FAT2: variants seen among roughly 807,000 people sequenced by gnomAD.
The protein encoded by FAT2 is FAT atypical cadherin 2.
Under a neutral mutation model 295.3 loss-of-function variants are expected in FAT2, and 150 were observed. The observed-to-expected ratio is 0.51, with a 90% CI of 0.44 to 0.58. The LOEUF (loss-of-function observed/expected upper bound fraction) is 0.58. FAT2 is among the 20% of genes least tolerant of loss of function. FAT2 has a pLI of 0.00. For synonymous variants in FAT2, 2,026 were observed against 2,150.3 expected, an observed-to-expected ratio of 0.94 and a Z score of 1.60; for missense variants, 4,868 against 5,442.7, an observed-to-expected ratio of 0.89 and a Z score of 3.32.
rs996922642 is a variant in FAT2 at position 151,505,252 on chromosome 5, C to T, written c.*313G>A. 9 of 446,276 alleles carry T rather than the reference C, an allele frequency of 2.0e-5. No individual in the cohort carries two copies. Among genetic ancestry groups the T allele is most frequent in the Admixed American group, 8.3e-5 (2 of 24,034 alleles). The allele number at this position is 446,276 out of a possible 1,614,324, so 27.6% of individuals were successfully genotyped here. ...AGGCTCTGCCCCGGGGACTGAGAGC[C>T]GGCAGATCAGGGAGCCCTCCTGTCT... On this transcript the variant is annotated 3_prime_UTR_variant, in exon 24 of 24. Transcript: ENST00000261800.
intron 6 of FAT2, among the ~76,000 whole-genome samples, chr5:151,552,621 A>G (rs1213258229): frequency 6.6e-6 from 1 of 152,248 alleles, no homozygotes; most frequent in African/African-American, 2.4e-5. Flanking sequence ...AGCGTTCGTC[A>G]GATTCCTGAA....
chr5:151,525,917 G>A lies in FAT2; in HGVS notation c.10357C>T (p.Pro3453Ser), dbSNP rs148136699. Residue 3453 changes from proline (P) to serine (S), a missense_variant, in exon 18 of 24, where the codon CCA (proline) becomes TCA (serine). Coordinates refer to ENST00000261800, the MANE Select transcript of FAT2 (RefSeq NM_001447.3). ...SKVLQLILSDPDSPENGPPYS... is the reference protein window; with the variant it reads ...SKVLQLILSDSDSPENGPPYS... ...GGGGGGCCATTCTCTGGAGAATCTG[G>A]GTCACTCAGGATCAGCTGCAGGACT... The A allele has an allele frequency of 5.0e-6, 8 of 1,614,050 alleles. No individual in the cohort carries two copies. The African/African-American group carries it at 8.0e-5, about 16-fold the overall frequency.
chr5:151,553,938 T>C (rs1237655440), intron 5 of FAT2, among the ~76,000 whole-genome samples: 1 of 152,236 alleles, frequency 6.6e-6, no homozygotes, highest in Non-Finnish European at 1.5e-5. Context: ...TCAGGCTGAC[T>C]GATGTAAGCA....
rs200469726 is a variant in FAT2, at chr5:151,540,624, C to A, written c.8982G>T (p.Ser2994=). The A allele has an allele frequency of 6.2e-7, 1 of 1,614,116 alleles. No individual in the cohort carries two copies. The highest frequency in any genetic ancestry group is 1.7e-4 in the Middle Eastern group (1 of 6,042). Residue 2994 remains serine, a synonymous_variant, in exon 11 of 24, where the codon TCG becomes TCT. Coordinates refer to ENST00000261800, the MANE Select transcript of FAT2 (RefSeq NM_001447.3). ...VTASDGKFQA[S]VTVEIFVLDV... ...CCAGGACAAAGATCTCCACAGTGAC[C>A]GAAGCCTGGAACTTGCCATCAGATG...
intron 14 of FAT2, among the ~76,000 whole-genome samples, 199 bp from the exon 15 acceptor site, chr5:151,529,591 T>A (rs1754373577): frequency 6.6e-6 from 1 of 152,222 alleles, no homozygotes; most frequent in Non-Finnish European, 1.5e-5. Context: ...TTCTTTATTA[T>A]TATTCACAAC....
intron 1 of FAT2, among the ~76,000 whole-genome samples, chr5:151,571,110 A>G (rs1161198092): frequency 6.6e-6 from 1 of 152,096 alleles, no homozygotes; most frequent in Admixed American, 6.5e-5. Flanking sequence ...TTAGTGGCAG[A>G]AAGAGCTGCT....
rs199678721 is a variant in FAT2 at position 151,529,241 on chromosome 5, G to A, written c.9963C>T (p.Phe3321=). ...ITDVNEHRPQ[F]PQDPYSTRVL... ...CCCTTGTGCTATATGGATCTTGGGGGAATTGGGGCCGGTGTTCATTGACAT... is the reference window on the plus strand; with the variant it reads ...CCCTTGTGCTATATGGATCTTGGGGAAATTGGGGCCGGTGTTCATTGACAT... Residue 3321 remains phenylalanine (F), a synonymous_variant, in exon 15 of 24, where the codon TTC becomes TTT. Coordinates refer to ENST00000261800, the MANE Select transcript of FAT2 (RefSeq NM_001447.3). 161 of 1,614,024 alleles carry A rather than the reference G, an allele frequency of 1.0e-4. No homozygotes were observed. The highest frequency in any genetic ancestry group is 2.3e-5 in the Non-Finnish European group (27 of 1,180,026).
At chr5:151,538,009 C>T in intron 11 of FAT2, 63 bp from the exon 12 acceptor site, 2 of 1,485,802 alleles carry the variant, frequency 1.3e-6, no homozygotes, top group Non-Finnish European at 1.8e-6. Flanking sequence ...CAGAGAGAAG[C>T]AGAGTGACTG....
intron 12 of FAT2, among the ~76,000 whole-genome samples, chr5:151,536,783 T>C (rs1035930526): frequency 2.0e-5 from 3 of 152,240 alleles, no homozygotes; most frequent in Non-Finnish European, 4.4e-5. Flanking sequence ...CATAGATACC[T>C]TGAGATCATG....
chr5:151,581,659 G>T (rs996638721), intron 1 of FAT2, among the ~76,000 whole-genome samples: 1 of 152,174 alleles, frequency 6.6e-6, no homozygotes, highest in African/African-American at 2.4e-5. Flanking sequence ...TCATTTTGTA[G>T]ATGAGATAAC....
At chr5:151,591,624 G>C (rs1453761525), upstream of FAT2, among the ~76,000 whole-genome samples, 1 of 130,112 alleles carries the variant, frequency 7.7e-6, no homozygotes, top group African/African-American at 2.9e-5. Flanking sequence ...AAGGTCACTT[G>C]GCTGTCAGAA....
intron 2 of FAT2, 26 bp downstream of exon 2, chr5:151,565,647 A>AGGC: frequency 2.7e-5 from 40 of 1,460,914 alleles, no homozygotes; most frequent in Non-Finnish European, 3.2e-5. Flanking sequence ...TGGCCCTGGC[A>AGGC]CCCCACCCTA....
chr5:151,565,647 A>AGGGG, intron 2 of FAT2, 26 bp downstream of exon 2: 10 of 1,460,970 alleles, frequency 6.8e-6, no homozygotes, highest in Non-Finnish European at 8.3e-6. Context: ...TGGCCCTGGC[A>AGGGG]CCCCACCCTA....
In FAT2 at chr5:151,544,036, AG is replaced by A; in HGVS notation, c.7090del (p.Val2365TrpfsTer53). 1 of 1,614,206 alleles carries A rather than the reference AG, an allele frequency of 6.2e-7. No homozygotes were observed. On this transcript the variant is annotated frameshift_variant, in exon 10 of 24. Transcript: ENST00000261800. LOFTEE classifies it high-confidence loss of function. ...GATATCAGACACATTGACAACCACAAGGGTTTCACCAGTGAGTGGGGGATCT... is the reference window on the plus strand; with the variant it reads ...GATATCAGACACATTGACAACCACAAGGTTTCACCAGTGAGTGGGGGATCT... ...KGDPPLTGET[L>X]VVVNVSDIND...
At chr5:151,517,822 GGACT>G in intron 19 of FAT2, 57 bp from the exon 20 acceptor site, 2 of 1,594,410 alleles carry the variant, frequency 1.3e-6, no homozygotes, top group Non-Finnish European at 1.7e-6. Context: ...TTGAGCCCTT[GGACT>G]GACTTTGTCT....
intron 6 of FAT2, among the ~76,000 whole-genome samples, chr5:151,552,087 G>C (rs1226516088): frequency 6.6e-6 from 1 of 150,660 alleles, no homozygotes; most frequent in Non-Finnish European, 1.5e-5. Context: ...TGGAACTTTA[G>C]GTGATTTTTA....
At chr5:151,518,143 C>A (rs1423183845) in intron 19 of FAT2, among the ~76,000 whole-genome samples, 2 of 152,114 alleles carry the variant, frequency 1.3e-5, no homozygotes, top group South Asian at 2.1e-4. Context: ...CCAGCCTGGG[C>A]AACAGAGCAA....
At position 151,507,505 on chromosome 5, in the gene FAT2, C is replaced by T. The variant is rs143949083; in HGVS notation, c.12166G>A (p.Val4056Met). ...ACAGTGCTTATGATAATGAACGCCA[C>T]GGCCACTGTGATGATCAGTAACTCC... is the stretch of plus-strand genomic sequence containing the variant. ...QQELLIITVA[V>M]AFIIISTVGL... The change falls in exon 23 of 24, where the codon GTG becomes ATG. Residue 4056 changes from valine to methionine, a missense_variant. By Grantham distance (21) the Val-to-Met change is conservative. This residue lies in a region of FAT2 where 492 missense variants were observed against 482.6 expected (regional missense o/e 1.02). Transcript: ENST00000261800. The T allele has an allele frequency of 1.5e-4, 239 of 1,614,140 alleles. No individual in the cohort carries two copies. The African/African-American group carries it at 2.8e-3, about 19-fold the overall frequency.
intron 19 of FAT2, among the ~76,000 whole-genome samples, 153 bp from the exon 20 acceptor site, chr5:151,517,918 A>AG (rs1753028789): frequency 6.6e-6 from 1 of 152,134 alleles, no homozygotes; most frequent in Non-Finnish European, 1.5e-5. Context: ...GGTGTGCCAT[A>AG]CCTTTCTAGC....
Sources: gnomAD v4.1 joint callset for allele counts (sites outside exome capture counted in the v4.1 genomes callset) on GRCh38, gnomAD v4.1.1 for gene constraint, gnomAD v4.1.1 regional missense constraint, MANE v1.5 for transcripts, NCBI Gene and HGNC (gene_info 2026-07-23, HGNC 2026-07-21) for gene names.